The following CCDC172 variants were observed in gnomAD, a reference collection of about 807,000 sequenced individuals.
CCDC172 encodes coiled-coil domain containing 172, also known as coiled-coil domain-containing protein 172.
CCDC172 carries 30 observed loss-of-function variants against 38.0 expected under a neutral mutation model. The ratio of observed to expected loss-of-function variants is 0.79; its 90% confidence interval spans 0.59 to 1.07. CCDC172 has a LOEUF of 1.07. Ranked by LOEUF, CCDC172 falls within the 50% of genes least tolerant of loss-of-function variation. The pLI is 0.00. For synonymous variants in CCDC172, 78 were observed against 88.3 expected (o/e 0.88, Z 0.66); for missense variants, 297 against 290.1 (o/e 1.02, Z -0.17).
In CCDC172 at chr10:116,357,368, A is replaced by G. The variant is rs758620555; in HGVS notation, c.449-12A>G. The G allele has an allele frequency of 1.7e-5, 25 of 1,495,234 alleles. No individual in the cohort carries two copies. The highest frequency in any genetic ancestry group is 2.1e-5 in the Non-Finnish European group (23 of 1,107,730). 92.6% of individuals were successfully genotyped at this position (1,495,234 alleles called of 1,614,324 possible). A position where few individuals can be genotyped will look rare whatever the true frequency, so the allele number is the denominator to read the frequency against. On this transcript the variant is annotated splice_polypyrimidine_tract_variant and intron_variant, in intron 5 of 8. Transcript: ENST00000333254. ...AGTATTTTATTTTTGATGCTTTTGTATCTGTTTCTAGAAATGAAGTCAATG... is the reference window on the plus strand; with the variant it reads ...AGTATTTTATTTTTGATGCTTTTGTGTCTGTTTCTAGAAATGAAGTCAATG...
chr10:116,359,698 A>G (rs1336790896), intron 7 of CCDC172, among the ~76,000 whole-genome samples: 1 of 152,238 alleles, frequency 6.6e-6, no homozygotes, highest in African/African-American at 2.4e-5. Context: ...TATGACTTCT[A>G]CATTCATTAA....
chr10:116,340,676 G>T (rs1199574868), intron 3 of CCDC172, 58 bp from the exon 4 acceptor site: 3 of 798,626 alleles, frequency 3.8e-6, no homozygotes, highest in African/African-American at 1.7e-5. Context: ...GTTACCTAAG[G>T]TACTCTAAAA....
At chr10:116,370,315 G>T (rs889538899) in intron 7 of CCDC172, among the ~76,000 whole-genome samples, 1 of 151,790 alleles carries the variant, frequency 6.6e-6, no homozygotes, top group East Asian at 1.9e-4. Context: ...CTTTGACCTT[G>T]TACGGTTTCA....
chr10:116,328,806 A>G (rs189964311), intron 3 of CCDC172, among the ~76,000 whole-genome samples: 1 of 152,298 alleles, frequency 6.6e-6, no homozygotes, highest in East Asian at 1.9e-4. Flanking sequence ...AACAGCAGGC[A>G]AAGTCATATC....
intron 3 of CCDC172, among the ~76,000 whole-genome samples, chr10:116,333,104 GTAAT>G (rs773562027): frequency 6.6e-6 from 1 of 151,972 alleles, no homozygotes; most frequent in Non-Finnish European, 1.5e-5. Flanking sequence ...AGAACAGTAA[GTAAT>G]TGATTACAAT....
At chr10:116,334,504 C>CT (rs1446823723) in intron 3 of CCDC172, among the ~76,000 whole-genome samples, 5 of 151,772 alleles carry the variant, frequency 3.3e-5, no homozygotes, top group African/African-American at 1.2e-4. Context: ...AAATAATTTG[C>CT]TTTTTTCTAT....
chr10:116,373,404 T>C (rs916604010), intron 7 of CCDC172, among the ~76,000 whole-genome samples: 1 of 152,204 alleles, frequency 6.6e-6, no homozygotes, highest in African/African-American at 2.4e-5. Flanking sequence ...ATAGCATATG[T>C]AAAAACAAAA....
intron 5 of CCDC172, among the ~76,000 whole-genome samples, chr10:116,347,232 G>A (rs879631740): frequency 6.6e-6 from 1 of 152,154 alleles, no homozygotes; most frequent in Non-Finnish European, 1.5e-5. Context: ...AGTCTAAGAC[G>A]GCTTCATGAA....
At chr10:116,346,931 A>T (rs1391844661) in intron 5 of CCDC172, among the ~76,000 whole-genome samples, 2 of 152,216 alleles carry the variant, frequency 1.3e-5, no homozygotes, top group East Asian at 3.9e-4. Context: ...CAAAAGGAGA[A>T]GCACAAGATG....
chr10:116,371,702 T>C (rs1340526468), intron 7 of CCDC172, among the ~76,000 whole-genome samples: 1 of 152,104 alleles, frequency 6.6e-6, no homozygotes, highest in African/African-American at 2.4e-5. Flanking sequence ...AAAAACTTTC[T>C]TCATTTCAGC....
intron 7 of CCDC172, among the ~76,000 whole-genome samples, chr10:116,358,982 C>G (rs762491352): frequency 4.6e-5 from 7 of 152,074 alleles, no homozygotes; most frequent in Non-Finnish European, 8.8e-5. Context: ...AATGCTTTTT[C>G]CTTCACAAAT....
At chr10:116,343,050 G>A (rs187792262) in intron 5 of CCDC172, among the ~76,000 whole-genome samples, 4 of 152,150 alleles carry the variant, frequency 2.6e-5, no homozygotes, top group Admixed American at 1.3e-4. Flanking sequence ...TAGTATGTGG[G>A]TTATTGCAAT....
intron 3 of CCDC172, among the ~76,000 whole-genome samples, chr10:116,332,742 T>A (rs1212183023): frequency 2.0e-5 from 3 of 152,076 alleles, no homozygotes; most frequent in African/African-American, 4.8e-5. Flanking sequence ...AGATATGGTT[T>A]TTTTTTTCTG....
intron 7 of CCDC172, among the ~76,000 whole-genome samples, chr10:116,369,207 A>G (rs577537648): frequency 1.3e-5 from 2 of 152,034 alleles, no homozygotes; most frequent in East Asian, 3.9e-4. Context: ...GTCTAACTTT[A>G]GGGCTCATTT....
chr10:116,343,635 A>T (rs1844828337), intron 5 of CCDC172, among the ~76,000 whole-genome samples: 1 of 150,446 alleles, frequency 6.6e-6, no homozygotes, highest in Non-Finnish European at 1.5e-5. Context: ...GCCTCTGTCC[A>T]TTTCAGTCCA....
At position 116,379,192 on chromosome 10, in the gene CCDC172, A is replaced by AT. The variant is rs151299558; in HGVS notation, c.742-122dup. The AT allele has an allele frequency of 1.6e-3, 799 of 499,926 alleles. 3 individuals carry two copies. Among genetic ancestry groups the AT allele is most frequent in the Middle Eastern group, 6.7e-3 (12 of 1,780 alleles). The allele number at this position is 499,926 out of a possible 1,614,324, so 31.0% of individuals were successfully genotyped here. A position where few individuals can be genotyped will look rare whatever the true frequency, so the allele number is the denominator to read the frequency against. Reference sequence around the variant, plus strand: ...GTTTCAATAAGTTACCTTTGAATTTATTTTTTTTTATAAAAAATATAATTA... The same window carrying AT: ...GTTTCAATAAGTTACCTTTGAATTTATTTTTTTTTTATAAAAAATATAATTA... On this transcript the variant is annotated intron_variant, in intron 8 of 8. Transcript: ENST00000333254.
In CCDC172 at chr10:116,336,930, A is replaced by T. The variant is rs139848433; in HGVS notation, c.166-3804A>T. On this transcript the variant is annotated intron_variant, in intron 3 of 8. Coordinates refer to ENST00000333254, the MANE Select transcript of CCDC172 (RefSeq NM_198515.3). ...CAAGAGTAGTGAAAAGTCACAAATC[A>T]TGGCTTTGCTGAAAACTGACCTAGT... Among the ~76,000 whole-genome samples, 27 of 152,302 alleles carry T rather than the reference A, an allele frequency of 1.8e-4. No homozygotes were observed. The East Asian group carries it at 4.8e-3, about 27-fold the overall frequency.
At chr10:116,377,558 CAA>C (rs1214984872) in intron 7 of CCDC172, among the ~76,000 whole-genome samples, 2 of 151,934 alleles carry the variant, frequency 1.3e-5, no homozygotes, top group Non-Finnish European at 2.9e-5. Context: ...TTAAAAAATT[CAA>C]AATATTCAAA....
intron 7 of CCDC172, among the ~76,000 whole-genome samples, chr10:116,362,006 G>A (rs1845071108): frequency 6.6e-6 from 1 of 152,206 alleles, no homozygotes; most frequent in South Asian, 2.1e-4. Context: ...GGCTAACATG[G>A]TGAAACCCCG....
Sources: gnomAD v4.1 joint callset for allele counts (sites outside exome capture counted in the v4.1 genomes callset) on GRCh38, gnomAD v4.1.1 for gene constraint, MANE v1.5 for transcripts, NCBI Gene and HGNC (gene_info 2026-07-23, HGNC 2026-07-21) for gene names.